KIAA1755: variants seen among roughly 807,000 people sequenced by gnomAD.
KIAA1755 encodes KIAA1755, also known as uncharacterized protein KIAA1755.
Under a neutral mutation model 91.7 loss-of-function variants are expected in KIAA1755, and 68 were observed. The observed-to-expected ratio is 0.74, with a 90% CI of 0.61 to 0.91. The LOEUF (loss-of-function observed/expected upper bound fraction) is 0.91, where lower values mean the gene tolerates loss of function less well. Among genes scored for constraint, KIAA1755 ranks in the 40% least tolerant of loss-of-function variants. The probability of loss-of-function intolerance (pLI) is 0.00; values close to 1 mark genes in which losing one functional copy is unlikely to be tolerated. For synonymous variants in KIAA1755, 610 were observed against 604.6 expected, an observed-to-expected ratio of 1.01 and a Z score of -0.13; for missense variants, 1,535 against 1,494.4, an observed-to-expected ratio of 1.03 and a Z score of -0.45.
chr20:38,213,428 C>T lies in KIAA1755; in HGVS notation c.3217G>A (p.Val1073Met). The T allele has an allele frequency of 6.2e-7, 1 of 1,600,944 alleles. No individual in the cohort carries two copies. The highest frequency in any genetic ancestry group is 8.5e-7 in the Non-Finnish European group (1 of 1,173,528). ...CTCACACCCTGGCCCTTGGCTGCCA[C>T]CCCTCTTCGTTCTGGGCGCGCTGAG... ...AHSARPERRG[V>M]AAKGQGVSVE... The change falls in exon 14 of 14, where the codon GTG (valine) becomes ATG (methionine). Residue 1073 changes from valine to methionine, a missense_variant. Physicochemically the swap from Val to Met is conservative, Grantham distance 21 (BLOSUM62 1). Transcript: ENST00000279024.
At chr20:38,220,179 C>T (rs1471578238) in intron 10 of KIAA1755, among the ~76,000 whole-genome samples, 3 of 152,316 alleles carry the variant, frequency 2.0e-5, no homozygotes, top group African/African-American at 7.2e-5. Context: ...ATCTAACGCC[C>T]TGGCCCTCAA....
chr20:38,218,472 A>G, intron 11 of KIAA1755, 106 bp from the exon 12 acceptor site: 1 of 1,465,438 alleles, frequency 6.8e-7, no homozygotes, highest in South Asian at 1.3e-5. Flanking sequence ...TCACTCATTC[A>G]GTGGCTAGGC....
At chr20:38,247,388 G>GT (rs895991205) in intron 1 of KIAA1755, among the ~76,000 whole-genome samples, 1 of 152,080 alleles carries the variant, frequency 6.6e-6, no homozygotes, top group Admixed American at 6.6e-5. Flanking sequence ...CGCACATGCA[G>GT]TGGCTTCCTG....
At chr20:38,219,886 C>A in intron 10 of KIAA1755, 118 bp from the exon 11 acceptor site, 1 of 1,348,232 alleles carries the variant, frequency 7.4e-7, no homozygotes, top group Non-Finnish European at 1.0e-6. Context: ...TTCCAGCTAA[C>A]TTGCTGTGTG....
In KIAA1755 at chr20:38,212,751, C is replaced by T. The variant is rs2075469678; in HGVS notation, c.*291G>A. The T allele has an allele frequency of 6.1e-6, 2 of 327,362 alleles. No individual in the cohort carries two copies. The highest frequency in any genetic ancestry group is 4.9e-5 in the East Asian group (1 of 20,374). The allele number at this position is 327,362 out of a possible 1,614,324, so 20.3% of individuals were successfully genotyped here. On this transcript the variant is annotated 3_prime_UTR_variant, in exon 14 of 14. Transcript: ENST00000279024. ...AGACCTCTGGAGGGGTCTGTGCCGA[C>T]AGGTCTTTCCACAATGAGAGCCTGG...
intron 2 of KIAA1755, among the ~76,000 whole-genome samples, chr20:38,244,830 C>T (rs576780950): frequency 6.6e-6 from 1 of 152,140 alleles, no homozygotes; most frequent in East Asian, 1.9e-4. Flanking sequence ...TGCCTCCAAG[C>T]GATTCTCTTG....
chr20:38,238,563 C>G (rs2075998704), intron 4 of KIAA1755, among the ~76,000 whole-genome samples: 2 of 152,176 alleles, frequency 1.3e-5, no homozygotes, highest in Admixed American at 1.3e-4. Context: ...CTACCCTAAG[C>G]CTGAACCAGG....
At chr20:38,256,671 C>T (rs1022660526) in intron 1 of KIAA1755, among the ~76,000 whole-genome samples, 1 of 152,014 alleles carries the variant, frequency 6.6e-6, no homozygotes, top group African/African-American at 2.4e-5. Flanking sequence ...AGCATGGTAG[C>T]ACGCACCTGT....
chr20:38,237,053 G>A, intron 4 of KIAA1755: 1 of 151,870 alleles, frequency 6.6e-6, no homozygotes, highest in East Asian at 2.0e-4. Flanking sequence ...ATCCATACTA[G>A]AATGCTGAGC....
intron 3 of KIAA1755, 95 bp from the exon 4 acceptor site, chr20:38,239,820 G>GTTGTAAGCTATTATTAGT: frequency 8.9e-7 from 1 of 1,125,598 alleles, no homozygotes; most frequent in Non-Finnish European, 1.3e-6. Context: ...ACTAATAATA[G>GTTGTAAGCTATTATTAGT]CTTACAACTA....
At chr20:38,244,916 C>T (rs1338215325) in intron 2 of KIAA1755, among the ~76,000 whole-genome samples, 4 of 152,114 alleles carry the variant, frequency 2.6e-5, no homozygotes, top group South Asian at 2.1e-4. Context: ...TTAGTAGAGA[C>T]GGGGTTTCAC....
chr20:38,218,545 G>A (rs925570066), intron 11 of KIAA1755, among the ~76,000 whole-genome samples, 179 bp from the exon 12 acceptor site: 2 of 152,218 alleles, frequency 1.3e-5, no homozygotes, highest in Non-Finnish European at 2.9e-5. Flanking sequence ...ATGACTTGGG[G>A]AGGGGGAGTG....
At chr20:38,251,712 C>T (rs2076252382) in intron 1 of KIAA1755, among the ~76,000 whole-genome samples, 1 of 151,806 alleles carries the variant, frequency 6.6e-6, no homozygotes, top group East Asian at 1.9e-4. Context: ...ATTATAGGCA[C>T]CCACCACCGC....
At chr20:38,225,469 C>A in intron 8 of KIAA1755, 196 bp downstream of exon 8, 1 of 581,850 alleles carries the variant, frequency 1.7e-6, no homozygotes, top group East Asian at 3.1e-5. Flanking sequence ...CACAGCAGAG[C>A]TGGGATTGCA....
intron 10 of KIAA1755, among the ~76,000 whole-genome samples, chr20:38,220,337 TGTCACCCAGGCTG>T (rs2075635204): frequency 6.8e-6 from 1 of 147,384 alleles, no homozygotes; most frequent in Non-Finnish European, 1.5e-5. Flanking sequence ...AGTCTCACTC[TGTCACCCAGGCTG>T]GTCACCCAGG....
At chr20:38,257,143 G>C (rs1166472767) in intron 1 of KIAA1755, among the ~76,000 whole-genome samples, 1 of 152,160 alleles carries the variant, frequency 6.6e-6, no homozygotes, top group Non-Finnish European at 1.5e-5. Context: ...ACACAGCCTA[G>C]AATTATCTGT....
In KIAA1755 at chr20:38,217,864, G is replaced by A. The variant is rs2075579542; in HGVS notation, c.2679+380C>T. ...CCGCCCCCGCTCCCCACTGGCCTGA[G>A]AATTCCTGAGCGCTGATACGGGGCT... On this transcript the variant is annotated intron_variant, in intron 12 of 13. Coordinates refer to ENST00000279024, the MANE Select transcript of KIAA1755 (RefSeq NM_001029864.2). The A allele has an allele frequency of 9.8e-6, 4 of 409,188 alleles. No homozygotes were observed. In the Admixed American group the frequency reaches 1.6e-4, roughly 17 times the overall value. The allele number at this position is 409,188 out of a possible 1,614,324, so 25.3% of individuals were successfully genotyped here.
chr20:38,225,388 C>T (rs1442083362), intron 8 of KIAA1755, among the ~76,000 whole-genome samples: 1 of 152,152 alleles, frequency 6.6e-6, no homozygotes, highest in Non-Finnish European at 1.5e-5. Context: ...TGAGGAGGTA[C>T]TATTATTATC....
At chr20:38,219,393 G>A (rs1170426837) in intron 11 of KIAA1755, among the ~76,000 whole-genome samples, 1 of 152,246 alleles carries the variant, frequency 6.6e-6, no homozygotes, top group Non-Finnish European at 1.5e-5. Context: ...GCTTGGCACA[G>A]AGTTGGCGCT....
Sources: allele counts gnomAD v4.1 joint callset (sites outside exome capture counted in the v4.1 genomes callset), GRCh38; gene constraint gnomAD v4.1.1; transcripts MANE v1.5; gene names NCBI Gene and HGNC (gene_info 2026-07-23, HGNC 2026-07-21).